The following SLIT3 variants were observed in gnomAD, a reference collection of about 807,000 sequenced individuals.
SLIT3 encodes the protein slit guidance ligand 3, also known as slit homolog 3 protein.
A neutral mutation model predicts 184.0 loss-of-function variants in SLIT3; 68 were observed. The ratio of observed to expected loss-of-function variants is 0.37; its 90% CI spans 0.30 to 0.45. The LOEUF (loss-of-function observed/expected upper bound fraction) is 0.45. Ranked by LOEUF, SLIT3 falls within the 20% of genes least tolerant of loss-of-function variation. The pLI, the probability that SLIT3 is intolerant of heterozygous loss-of-function variation, is 1.00. For synonymous variants in SLIT3, 831 were observed against 828.6 expected, an observed-to-expected ratio of 1.00 and a Z score of -0.05; for missense variants, 1,707 against 2,026.0, an observed-to-expected ratio of 0.84 and a Z score of 3.02.
chr5:168,695,184 A>C (rs1370001147), intron 28 of SLIT3, among the ~76,000 whole-genome samples: 8 of 151,832 alleles, frequency 5.3e-5, no homozygotes. Context: ...CACCCACTTC[A>C]CTCCTGACAT....
intron 14 of SLIT3, among the ~76,000 whole-genome samples, chr5:168,767,907 T>C (rs1430585033): frequency 6.6e-6 from 1 of 152,080 alleles, no homozygotes; most frequent in Non-Finnish European, 1.5e-5. Context: ...TTGTCTGACA[T>C]CCAGACTAGA....
intron 4 of SLIT3, among the ~76,000 whole-genome samples, chr5:169,180,340 G>A (rs1442245433): frequency 1.3e-5 from 2 of 152,196 alleles, no homozygotes; most frequent in African/African-American, 4.8e-5. Context: ...GGGGTCAGAT[G>A]ATGTAGTGCA....
chr5:168,722,387 C>A, intron 22 of SLIT3, 60 bp from the exon 23 acceptor site: 2 of 1,425,010 alleles, frequency 1.4e-6, no homozygotes, highest in Non-Finnish European at 2.0e-6. Context: ...TGCATAGGTG[C>A]ACTGTTCACG....
intron 4 of SLIT3, among the ~76,000 whole-genome samples, chr5:168,973,454 G>A (rs1201827669): frequency 6.6e-6 from 1 of 152,060 alleles, no homozygotes; most frequent in African/African-American, 2.4e-5. Flanking sequence ...TGCCATGTTG[G>A]CCAGGCTGGT....
At chr5:168,705,542 CCTTCACCATCATCAT>C (rs985149449) in intron 26 of SLIT3, among the ~76,000 whole-genome samples, 5 of 152,124 alleles carry the variant, frequency 3.3e-5, no homozygotes, top group Admixed American at 3.3e-4. Context: ...ACCATCATCA[CCTTCACCATCATCAT>C]CTTCACCATC....
At position 168,883,279 on chromosome 5, in the gene SLIT3, G is replaced by T. The variant is rs769505903; in HGVS notation, c.471C>A (p.Thr157=). ...ACATCACTTACAGGTTCTTCACATC[G>T]GTGATGCCGCGGAACGCCTTCCTCG... ...GIPRKAFRGI[T]DVKNLQLDNN... Residue 157 remains threonine, a synonymous_variant, in exon 5 of 36, where the codon ACC becomes ACA. Transcript: ENST00000519560. The T allele has an allele frequency of 1.4e-5, 22 of 1,613,800 alleles. No individual in the cohort carries two copies. The highest frequency in any genetic ancestry group is 1.8e-5 in the Non-Finnish European group (21 of 1,179,818).
chr5:168,754,115 G>C (rs2113475907), intron 16 of SLIT3, 108 bp from the exon 17 acceptor site: 2 of 1,124,670 alleles, frequency 1.8e-6, no homozygotes, highest in Non-Finnish European at 2.5e-6. Context: ...GGGCCCCTGA[G>C]ACTGAGGACT....
intron 1 of SLIT3, among the ~76,000 whole-genome samples, chr5:169,293,625 C>G (rs796724162): frequency 6.6e-6 from 1 of 152,146 alleles, no homozygotes; most frequent in African/African-American, 2.4e-5. Flanking sequence ...TCCCATTTTG[C>G]AAATGGGAAA....
chr5:169,100,822 T>C (rs952745454), intron 4 of SLIT3, among the ~76,000 whole-genome samples: 1 of 152,186 alleles, frequency 6.6e-6, no homozygotes, highest in African/African-American at 2.4e-5. Context: ...AGAGGCTGAC[T>C]CATTAGGGTT....
At position 168,860,282 on chromosome 5, in the gene SLIT3, G is replaced by C. The variant is rs542230251; in HGVS notation, c.486-15627C>G. On this transcript the variant is annotated intron_variant, in intron 5 of 35. Transcript: ENST00000519560. ...AACCCCTTGGGTCACACTGTTTAGA[G>C]ACAAGTGACACCTGATATACCAGTG... is the stretch of plus-strand genomic sequence containing the variant. Among the ~76,000 whole-genome samples, 6 of 152,222 alleles carry C rather than the reference G, an allele frequency of 3.9e-5. No individual in the cohort carries two copies. In the East Asian group the frequency reaches 1.2e-3, roughly 29 times the overall value.
intron 4 of SLIT3, among the ~76,000 whole-genome samples, chr5:169,008,439 A>G (rs761655249): frequency 1.1e-4 from 17 of 152,176 alleles, no homozygotes; most frequent in South Asian, 6.2e-4. Context: ...GGCCATAGCA[A>G]TAGCTAGAGC....
At chr5:168,967,533 G>A (rs1408394521) in intron 4 of SLIT3, among the ~76,000 whole-genome samples, 2 of 125,112 alleles carry the variant, frequency 1.6e-5, no homozygotes, top group African/African-American at 6.0e-5. Flanking sequence ...TCCGCCTCCC[G>A]GGTTCACGCC....
At chr5:168,897,071 C>A (rs1252482393) in intron 4 of SLIT3, among the ~76,000 whole-genome samples, 1 of 152,186 alleles carries the variant, frequency 6.6e-6, no homozygotes, top group Non-Finnish European at 1.5e-5. Context: ...GAAATCCTCA[C>A]AACCCTATTA....
At chr5:168,942,850 C>T (rs1022352124) in intron 4 of SLIT3, among the ~76,000 whole-genome samples, 4 of 151,204 alleles carry the variant, frequency 2.6e-5, no homozygotes, top group African/African-American at 7.3e-5. Context: ...GGCTGCTTGG[C>T]GATTTGTTTT....
At chr5:168,987,982 G>A (rs956917179) in intron 4 of SLIT3, among the ~76,000 whole-genome samples, 3 of 152,172 alleles carry the variant, frequency 2.0e-5, no homozygotes, top group Admixed American at 6.5e-5. Context: ...TGCACATTAA[G>A]GTGTTCTCTT....
At chr5:169,098,686 A>G (rs1472493251) in intron 4 of SLIT3, among the ~76,000 whole-genome samples, 1 of 152,232 alleles carries the variant, frequency 6.6e-6, no homozygotes, top group African/African-American at 2.4e-5. Context: ...GTCAAATGAC[A>G]GGAGGGTTAA....
chr5:169,053,909 G>A (rs947488348), intron 4 of SLIT3, among the ~76,000 whole-genome samples: 2 of 152,016 alleles, frequency 1.3e-5, no homozygotes, highest in Non-Finnish European at 2.9e-5. Flanking sequence ...CCAACATGGT[G>A]AAACCCCATC....
chr5:168,763,091 C>A (rs1018150565), intron 14 of SLIT3, among the ~76,000 whole-genome samples: 14 of 152,112 alleles, frequency 9.2e-5, no homozygotes. Context: ...CATTCATGGA[C>A]CCTCTAAATG....
At chr5:169,194,029 C>T (rs1274072659) in intron 3 of SLIT3, among the ~76,000 whole-genome samples, 5 of 151,800 alleles carry the variant, frequency 3.3e-5, no homozygotes, top group South Asian at 2.1e-4. Context: ...GTCAAGAGAT[C>T]GAGACCATCA....
Sources: allele counts gnomAD v4.1 joint callset (sites outside exome capture counted in the v4.1 genomes callset), GRCh38; gene constraint gnomAD v4.1.1; transcripts MANE v1.5; gene names NCBI Gene and HGNC (gene_info 2026-07-23, HGNC 2026-07-21).